SH3TC2: variants seen among roughly 807,000 people sequenced by gnomAD.
SH3TC2 encodes the protein SH3 domain and tetratricopeptide repeats 2.
Under a neutral mutation model 124.5 loss-of-function variants are expected in SH3TC2, and 87 were observed. That is an observed-to-expected ratio of 0.70 (90% CI 0.59 to 0.84). SH3TC2 has a LOEUF of 0.84. SH3TC2 is among the 40% of genes least tolerant of loss of function. The probability of loss-of-function intolerance (pLI) is 0.00; values close to 1 mark genes in which losing one functional copy is unlikely to be tolerated. For missense variants in SH3TC2, 1,536 were observed against 1,566.4 expected, an observed-to-expected ratio of 0.98 and a Z score of 0.33; for synonymous variants, 634 against 628.5, an observed-to-expected ratio of 1.01 and a Z score of -0.13.
intron 12 of SH3TC2, among the ~76,000 whole-genome samples, chr5:149,013,158 G>A (rs1580891722): frequency 6.6e-6 from 1 of 152,104 alleles, no homozygotes; most frequent in East Asian, 1.9e-4. Context: ...GAAATGGTTT[G>A]GCTGTGTCCC....
At chr5:149,032,761 G>C (rs1026259711) in intron 8 of SH3TC2, among the ~76,000 whole-genome samples, 1 of 152,080 alleles carries the variant, frequency 6.6e-6, no homozygotes, top group African/African-American at 2.4e-5. Context: ...GGATGGGATG[G>C]GGGTACTGTA....
intron 15 of SH3TC2, chr5:149,007,411 C>T (rs569215809): frequency 2.9e-4 from 163 of 564,836 alleles, no homozygotes; most frequent in Non-Finnish European, 4.7e-4. Context: ...ATTGCAGATG[C>T]TACTGTAATG....
intron 4 of SH3TC2, 67 bp downstream of exon 4, chr5:149,044,466 G>A: frequency 1.7e-6 from 2 of 1,211,426 alleles, no homozygotes; most frequent in Non-Finnish European, 2.5e-6. Context: ...ATTCCTTCAT[G>A]TCAAGCCCTA....
intron 7 of SH3TC2, among the ~76,000 whole-genome samples, chr5:149,040,337 A>C (rs1580909094): frequency 6.6e-6 from 1 of 152,146 alleles, no homozygotes; most frequent in Non-Finnish European, 1.5e-5. Flanking sequence ...TATTCCTGCC[A>C]TTCCCTAATA....
chr5:149,018,600 C>T (rs1027194487), intron 12 of SH3TC2, among the ~76,000 whole-genome samples: 3 of 152,174 alleles, frequency 2.0e-5, no homozygotes, highest in East Asian at 1.9e-4. Context: ...TGGGGGAAAC[C>T]GTGCCATGAT....
rs17109198 is a variant in SH3TC2, at chr5:148,990,149, C to T, written c.*14562G>A. 0.23 allele frequency among the ~76,000 whole-genome samples: 34,188 copies of T among 151,826 alleles called. 4,288 individuals are homozygous for T. The highest frequency in any genetic ancestry group is 0.31 in the African/African-American group (12,663 of 41,350). On this transcript the variant is annotated 3_prime_UTR_variant, in exon 17 of 17. Coordinates refer to ENST00000515425, the MANE Select transcript of SH3TC2 (RefSeq NM_024577.4). ...GTTTCATGATGGTATGCTCTGGGTG[C>T]GCTAGGCTACTCTGTTTTGTTCTTT...
At position 149,012,628 on chromosome 5, in the gene SH3TC2, G is replaced by A. The variant is rs769133498; in HGVS notation, c.3160C>T (p.His1054Tyr). 111 of 1,614,028 alleles carry A rather than the reference G, an allele frequency of 6.9e-5. 1 individual carries two copies. Among genetic ancestry groups the A allele is most frequent in the South Asian group, 8.8e-5 (8 of 91,084 alleles). ...AGCTCGTCTTCCTGCATGAGGTAGTGGAGTCGCCCCGCCCCAAGCCAGGCC... is the reference window on the plus strand; with the variant it reads ...AGCTCGTCTTCCTGCATGAGGTAGTAGAGTCGCCCCGCCCCAAGCCAGGCC... ...AEAWLGAGRL[H>Y]YLMQEDELVE... Residue 1054 changes from histidine to tyrosine, a missense_variant, in exon 13 of 17, where the codon CAC becomes TAC. Transcript: ENST00000515425.
chr5:149,023,773 T>C (rs1198733450), intron 12 of SH3TC2, among the ~76,000 whole-genome samples: 8 of 151,974 alleles, frequency 5.3e-5, no homozygotes, highest in African/African-American at 1.9e-4. Flanking sequence ...TTGGTAGAGA[T>C]GGGGTTTCAC....
rs533874031 is a variant in SH3TC2, at chr5:148,999,936, C to G, written c.*4775G>C. On this transcript the variant is annotated 3_prime_UTR_variant, in exon 17 of 17. Coordinates refer to ENST00000515425, the MANE Select transcript of SH3TC2 (RefSeq NM_024577.4). ...GACCTGTTCTCAGAAAACATCACCC[C>G]CTGTCCACCCTCTGGACCTTTGCTT... Among the ~76,000 whole-genome samples the G allele has an allele frequency of 6.6e-6, 1 of 152,270 alleles. No homozygotes were observed. Among genetic ancestry groups the G allele is most frequent in the East Asian group, 1.9e-4 (1 of 5,174 alleles).
At chr5:149,019,918 T>C (rs1561761503) in intron 12 of SH3TC2, among the ~76,000 whole-genome samples, 1 of 152,212 alleles carries the variant, frequency 6.6e-6, no homozygotes, top group African/African-American at 2.4e-5. Flanking sequence ...AGAGAACTGT[T>C]ACTGTTTGAT....
At chr5:149,025,513 T>C (rs1021452099) in intron 12 of SH3TC2, among the ~76,000 whole-genome samples, 3 of 152,248 alleles carry the variant, frequency 2.0e-5, no homozygotes, top group Non-Finnish European at 4.4e-5. Flanking sequence ...ATGCTCTATT[T>C]TAGAAGTCAT....
Position 148,984,822 on chromosome 5 carries a change from T to G in SH3TC2, c.*19889A>C, listed in dbSNP as rs970472233. 3.3e-5 allele frequency among the ~76,000 whole-genome samples: 5 copies of G among 152,172 alleles called. No homozygotes were observed. The highest frequency in any genetic ancestry group is 1.2e-4 in the African/African-American group (5 of 41,434). On this transcript the variant is annotated 3_prime_UTR_variant, in exon 17 of 17. Transcript: ENST00000515425. The stretch of plus-strand genomic sequence containing the variant: ...GAGGCATCTGCTTCCTGCTTCACCT[T>G]GAAGGTTATGTACTCCACTCACTTC...
intron 3 of SH3TC2, 102 bp downstream of exon 3, chr5:149,047,760 C>T (rs559532239): frequency 1.2e-5 from 18 of 1,484,452 alleles, no homozygotes; most frequent in Middle Eastern, 1.8e-4. Context: ...ATGTTTTTTC[C>T]GAGGACCTAC....
intron 8 of SH3TC2, among the ~76,000 whole-genome samples, chr5:149,036,893 C>T (rs1754291400): frequency 1.3e-5 from 2 of 152,150 alleles, no homozygotes; most frequent in South Asian, 4.2e-4. Context: ...CCTCTCCATT[C>T]TCACCCTTTT....
intron 14 of SH3TC2, 48 bp from the exon 15 acceptor site, chr5:149,009,049 T>C: frequency 6.2e-7 from 1 of 1,612,220 alleles, no homozygotes; most frequent in South Asian, 1.1e-5. Context: ...GAATCCTCAG[T>C]GCATACCATA....
rs144394382 is a variant in SH3TC2, at chr5:148,992,835, G to C, written c.*11876C>G. Among the ~76,000 whole-genome samples, 1 of 152,168 alleles carries C rather than the reference G, an allele frequency of 6.6e-6. No individual in the cohort carries two copies. Among genetic ancestry groups the C allele is most frequent in the East Asian group, 1.9e-4 (1 of 5,182 alleles). On this transcript the variant is annotated 3_prime_UTR_variant, in exon 17 of 17. Coordinates refer to ENST00000515425, the MANE Select transcript of SH3TC2 (RefSeq NM_024577.4). ...GCAACATGCACCAAGAGTCTTCCAG[G>C]ATTAAACTGCTGGGTATAACATGCA...
At chr5:149,052,036 T>G in intron 2 of SH3TC2, 106 bp downstream of exon 2, 1 of 848,470 alleles carries the variant, frequency 1.2e-6, no homozygotes. Flanking sequence ...GTCAAAATCT[T>G]TTCATCAAGA....
chr5:149,018,060 G>C (rs1028025861), intron 12 of SH3TC2, among the ~76,000 whole-genome samples: 1 of 152,170 alleles, frequency 6.6e-6, no homozygotes, highest in South Asian at 2.1e-4. Flanking sequence ...TGCTAACCCT[G>C]CTCTAGATAC....
intron 12 of SH3TC2, among the ~76,000 whole-genome samples, chr5:149,023,408 C>G (rs572672836): frequency 6.6e-6 from 1 of 151,746 alleles, no homozygotes; most frequent in Non-Finnish European, 1.5e-5. Flanking sequence ...TATTTAATAT[C>G]TAATATTTAT....
Sources: gnomAD v4.1 joint callset for allele counts (sites outside exome capture counted in the v4.1 genomes callset) on GRCh38, gnomAD v4.1.1 for gene constraint, MANE v1.5 for transcripts, NCBI Gene and HGNC (gene_info 2026-07-23, HGNC 2026-07-21) for gene names.